The following GALNT18 variants were observed in gnomAD, a reference collection of about 807,000 sequenced individuals.
The protein encoded by GALNT18 is GalNAc-transferase 18.
In GALNT18, 44 loss-of-function variants were observed where a neutral mutation model predicts 69.5. The observed-to-expected ratio is 0.63, with a 90% CI of 0.50 to 0.81. The LOEUF (loss-of-function observed/expected upper bound fraction) is 0.81. GALNT18 is among the 40% of genes least tolerant of loss of function. GALNT18 has a pLI of 0.00. For synonymous variants in GALNT18, 364 were observed against 318.2 expected, an observed-to-expected ratio of 1.14 and a Z score of -1.53; for missense variants, 715 against 810.0, an observed-to-expected ratio of 0.88 and a Z score of 1.42.
rs143607873 is a variant in GALNT18, at chr11:11,523,101, T to C, written c.236-74165A>G. Reference sequence around the variant, plus strand: ...TCTTATTACAAGCCCTTTCATTATGTCCGCAAGATCAATTCCATCTGAGTG... The same window carrying C: ...TCTTATTACAAGCCCTTTCATTATGCCCGCAAGATCAATTCCATCTGAGTG... On this transcript the variant is annotated intron_variant, in intron 1 of 10. Transcript: ENST00000227756. This position sits in a 1 kb window ranked among gnomAD's most constrained non-coding sequence, Gnocchi z 4.3. 2.3e-3 allele frequency among the ~76,000 whole-genome samples: 348 copies of C among 152,328 alleles called. 4 individuals are homozygous for C. The highest frequency in any genetic ancestry group is 8.1e-3 in the African/African-American group (337 of 41,582).
Position 11,584,479 on chromosome 11 carries a change from T to C in GALNT18, c.235+36880A>G, listed in dbSNP as rs1859167604. On this transcript the variant is annotated intron_variant, in intron 1 of 10. Transcript: ENST00000227756. The surrounding 1 kb of genome is among the most constrained non-coding windows in gnomAD (Gnocchi z 4.1). Reference sequence around the variant, plus strand: ...CAGTGCATTTCAACTGGCCATATTCTCAGCAGTGAATGATGGAGGCAGAGC... The same window carrying C: ...CAGTGCATTTCAACTGGCCATATTCCCAGCAGTGAATGATGGAGGCAGAGC... Among the ~76,000 whole-genome samples, 1 of 152,120 alleles carries C rather than the reference T, an allele frequency of 6.6e-6. No homozygotes were observed. The highest frequency in any genetic ancestry group is 2.4e-5 in the African/African-American group (1 of 41,410).
chr11:11,610,188 G>C (rs369972325), intron 1 of GALNT18, among the ~76,000 whole-genome samples: 3 of 152,174 alleles, frequency 2.0e-5, no homozygotes, highest in Non-Finnish European at 2.9e-5. Context: ...CAGTCTCAAC[G>C]TTTCTGCTAA....
At chr11:11,358,826 AAC>A (rs10644506) in intron 6 of GALNT18, among the ~76,000 whole-genome samples, 7,852 of 110,772 alleles carry the variant, frequency 0.071, 1,271 homozygotes, top group Middle Eastern at 0.11. Flanking sequence ...ATCCACACAA[AAC>A]ACACACACAC....
chr11:11,387,505 G>T lies in GALNT18; in HGVS notation c.596-8241C>A, dbSNP rs1854085251. 6.6e-6 allele frequency among the ~76,000 whole-genome samples: 1 copy of T among 152,162 alleles called. No individual in the cohort carries two copies. Among genetic ancestry groups the T allele is most frequent in the Non-Finnish European group, 1.5e-5 (1 of 68,038 alleles). Reference sequence around the variant, plus strand: ...TGCAATTAATTGCTTGTCTCCAATGGTGCTAATTTAAAGATTAAAAGTGTG... The same window carrying T: ...TGCAATTAATTGCTTGTCTCCAATGTTGCTAATTTAAAGATTAAAAGTGTG... On this transcript the variant is annotated intron_variant, in intron 3 of 10. Coordinates refer to ENST00000227756, the MANE Select transcript of GALNT18 (RefSeq NM_198516.3). The surrounding 1 kb of genome is among the most constrained non-coding windows in gnomAD (Gnocchi z 4.6).
intron 9 of GALNT18, among the ~76,000 whole-genome samples, chr11:11,295,204 T>C (rs58619097): frequency 0.044 from 6,734 of 151,708 alleles, 513 homozygotes; most frequent in African/African-American, 0.15. Flanking sequence ...TGGGAGGGGG[T>C]GAAGGGCAGG....
chr11:11,328,576 C>A (rs1323738297), intron 8 of GALNT18, among the ~76,000 whole-genome samples: 2 of 152,168 alleles, frequency 1.3e-5, no homozygotes, highest in Non-Finnish European at 2.9e-5. Context: ...GAGTTGAATT[C>A]TTTTCTTTTG....
intron 1 of GALNT18, chr11:11,475,589 C>T (rs1856374768): frequency 6.6e-6 from 1 of 152,208 alleles, no homozygotes; most frequent in Admixed American, 6.5e-5. Flanking sequence ...TGGCCAGAGG[C>T]TGTTGCATCT....
At chr11:11,579,579 G>A (rs1300745126) in intron 1 of GALNT18, among the ~76,000 whole-genome samples, 7 of 152,298 alleles carry the variant, frequency 4.6e-5, no homozygotes, top group East Asian at 1.9e-4. Flanking sequence ...CATGGGCATC[G>A]CAGGCCATCA....
At chr11:11,329,599 C>G (rs1041882709) in intron 8 of GALNT18, among the ~76,000 whole-genome samples, 1 of 152,170 alleles carries the variant, frequency 6.6e-6, no homozygotes, top group African/African-American at 2.4e-5. Context: ...TCACTAGCAC[C>G]CCATTTCTCA....
chr11:11,302,705 C>T (rs966349941), intron 9 of GALNT18, among the ~76,000 whole-genome samples: 1 of 152,218 alleles, frequency 6.6e-6, no homozygotes, highest in Non-Finnish European at 1.5e-5. Context: ...GCGCAGGATG[C>T]GTGCTGCTGG....
At chr11:11,384,926 T>A (rs1272791313) in intron 3 of GALNT18, among the ~76,000 whole-genome samples, 2 of 152,178 alleles carry the variant, frequency 1.3e-5, no homozygotes, top group African/African-American at 4.8e-5. Flanking sequence ...ATTGGTCCAT[T>A]TGTGTAGCTG....
chr11:11,525,779 C>T (rs893750168), intron 1 of GALNT18, among the ~76,000 whole-genome samples: 5 of 151,874 alleles, frequency 3.3e-5, no homozygotes, highest in East Asian at 3.9e-4. Context: ...GGATTACAGG[C>T]GCCCGCCACC....
chr11:11,319,294 T>A (rs7936490), intron 9 of GALNT18, among the ~76,000 whole-genome samples: 28,549 of 152,184 alleles, frequency 0.19, 2,893 homozygotes, highest in African/African-American at 0.23. Context: ...CCATATGCAA[T>A]GCTCAAGAGA....
At chr11:11,585,131 T>G (rs1282019429) in intron 1 of GALNT18, among the ~76,000 whole-genome samples, 1 of 152,186 alleles carries the variant, frequency 6.6e-6, no homozygotes, top group East Asian at 1.9e-4. Flanking sequence ...TATTACAAAA[T>G]CATGCTTGGA....
intron 1 of GALNT18, among the ~76,000 whole-genome samples, chr11:11,553,694 C>A (rs914663734): frequency 2.0e-5 from 3 of 152,118 alleles, no homozygotes; most frequent in Non-Finnish European, 4.4e-5. Context: ...CCCCAGCACC[C>A]CCACAATTCC....
chr11:11,349,017 T>A (rs1047632744), intron 6 of GALNT18, among the ~76,000 whole-genome samples: 1 of 147,408 alleles, frequency 6.8e-6, no homozygotes, highest in Non-Finnish European at 1.5e-5. Flanking sequence ...TAACCCATTA[T>A]CCTGAATTTT....
Position 11,372,529 on chromosome 11 carries a change from C to G in GALNT18, c.1078G>C (p.Glu360Gln). The G allele has an allele frequency of 6.2e-7, 1 of 1,614,144 alleles. No individual in the cohort carries two copies. Among genetic ancestry groups the G allele is most frequent in the Non-Finnish European group, 8.5e-7 (1 of 1,179,972 alleles). ...ACCCCACTCACCCTGATCCCAAGCT[C>G]CACATTCTCGCCCCCGTAGACTTCC... Reference protein sequence around the residue: ...GMEVYGGENVELGIRVWQCGG... With the variant: ...GMEVYGGENVQLGIRVWQCGG... Residue 360 changes from glutamate to glutamine, a missense_variant, in exon 6 of 11, where the codon GAG becomes CAG. Coordinates refer to ENST00000227756, the MANE Select transcript of GALNT18 (RefSeq NM_198516.3). The surrounding 1 kb of genome is among the most constrained non-coding windows in gnomAD (Gnocchi z 4.9).
chr11:11,579,802 T>C (rs886513977), intron 1 of GALNT18, among the ~76,000 whole-genome samples: 2 of 152,264 alleles, frequency 1.3e-5, no homozygotes, highest in Non-Finnish European at 2.9e-5. Flanking sequence ...CAAGAGCTAA[T>C]TTCCACATTT....
chr11:11,590,687 A>G lies in GALNT18; in HGVS notation c.235+30672T>C, dbSNP rs1293217666. 1.3e-5 allele frequency among the ~76,000 whole-genome samples: 2 copies of G among 152,222 alleles called. No individual in the cohort carries two copies. Among genetic ancestry groups the G allele is most frequent in the Admixed American group, 6.5e-5 (1 of 15,282 alleles). The stretch of plus-strand genomic sequence containing the variant: ...GTCACCCACCGCATGACGTTCGCTC[A>G]ATGACAGAACACATATACAATGGTG... On this transcript the variant is annotated intron_variant, in intron 1 of 10. Transcript: ENST00000227756. The surrounding 1 kb of genome is among the most constrained non-coding windows in gnomAD (Gnocchi z 4.4).
Sources: allele counts gnomAD v4.1 joint callset (sites outside exome capture counted in the v4.1 genomes callset), GRCh38; gene constraint gnomAD v4.1.1; non-coding constraint Gnocchi (gnomAD v3.1); transcripts MANE v1.5; gene names NCBI Gene and HGNC (gene_info 2026-07-23, HGNC 2026-07-21).